Variants in TET2 observed in about 807,000 individuals in gnomAD.
The protein encoded by TET2 is tet methylcytosine dioxygenase 2, also known as methylcytosine dioxygenase TET2.
A neutral mutation model predicts 142.9 loss-of-function variants in TET2; 299 were observed. The ratio of observed to expected loss-of-function variants is 2.09; its 90% CI spans 1.90 to 2.30. The LOEUF is 2.30. Ranked by LOEUF, TET2 falls within the 30% of genes most tolerant of loss-of-function variation. The pLI is 0.00. For synonymous variants in TET2, 819 were observed against 849.0 expected, an observed-to-expected ratio of 0.96 and a Z score of 0.61; for missense variants, 2,418 against 2,378.0, an observed-to-expected ratio of 1.02 and a Z score of -0.35.
In TET2 at chr4:105,181,614, C is replaced by T. The variant is rs186709261; in HGVS notation, c.-192-8746C>T. ...ATGTGTAATTCTGTACAATCTCCTA[C>T]ATCTGTAACCCCTGCCCCAAATATT... On this transcript the variant is annotated intron_variant, in intron 1 of 10. Transcript: ENST00000380013. Among the ~76,000 whole-genome samples the T allele has an allele frequency of 1.2e-3, 177 of 152,324 alleles. 1 individual carries two copies. Among genetic ancestry groups the T allele is most frequent in the African/African-American group, 3.8e-3 (159 of 41,572 alleles).
rs540743614 is a variant in TET2, at chr4:105,259,921, A to G, written c.3954+152A>G. Among the ~76,000 whole-genome samples, 3 of 152,310 alleles carry G rather than the reference A, an allele frequency of 2.0e-5. No homozygotes were observed. The East Asian group carries it at 5.8e-4, about 29-fold the overall frequency. On this transcript the variant is annotated intron_variant, in intron 7 of 10. Transcript: ENST00000380013. ...ACACACTATTTTTTAAGTTGGCATAATAATCATATTATGCCAAAATAATAG... is the reference window on the plus strand; with the variant it reads ...ACACACTATTTTTTAAGTTGGCATAGTAATCATATTATGCCAAAATAATAG...
At chr4:105,148,524 G>A (rs1723147318) in intron 1 of TET2, among the ~76,000 whole-genome samples, 2 of 152,188 alleles carry the variant, frequency 1.3e-5, no homozygotes, top group Non-Finnish European at 2.9e-5. Context: ...GAATAAGATT[G>A]TATCTTAAGG....
intron 1 of TET2, chr4:105,171,263 G>A (rs1344457562): frequency 6.6e-6 from 1 of 152,044 alleles, no homozygotes; most frequent in African/African-American, 2.4e-5. Context: ...TCTAGTGGAT[G>A]TAGACCAATA....
At chr4:105,227,483 T>A (rs1728256066) in intron 2 of TET2, among the ~76,000 whole-genome samples, 1 of 148,896 alleles carries the variant, frequency 6.7e-6, no homozygotes, top group Non-Finnish European at 1.5e-5. Context: ...TACAGTGAAT[T>A]ACAATGTGTA....
At chr4:105,160,034 AT>A (rs1723771127) in intron 1 of TET2, among the ~76,000 whole-genome samples, 1 of 152,190 alleles carries the variant, frequency 6.6e-6, no homozygotes, top group African/African-American at 2.4e-5. Flanking sequence ...ATTTGTATGC[AT>A]CTTAAAAAGC....
Position 105,236,249 on chromosome 4 carries a change from G to T in TET2, c.2307G>T (p.Gln769His), listed in dbSNP as rs897757913. 1 of 1,614,084 alleles carries T rather than the reference G, an allele frequency of 6.2e-7. No homozygotes were observed. Among genetic ancestry groups the T allele is most frequent in the East Asian group, 2.2e-5 (1 of 44,844 alleles). ...TFPHPQSNND[Q>H]QREGSFFGQT... Reference sequence around the variant, plus strand: ...CTCACCCCCAAAGCAACAATGATCAGCAAAGAGAAGGATCATTCTTTGGCC... The same window carrying T: ...CTCACCCCCAAAGCAACAATGATCATCAAAGAGAAGGATCATTCTTTGGCC... Residue 769 changes from glutamine (Q) to histidine (H), a missense_variant, in exon 3 of 11, where the codon CAG becomes CAT. Transcript: ENST00000380013.
chr4:105,163,840 AGAGAGAGAG>A (rs1723993263), intron 1 of TET2, among the ~76,000 whole-genome samples: 1 of 117,388 alleles, frequency 8.5e-6, no homozygotes, highest in African/African-American at 3.7e-5. Context: ...AGAGAGAGAG[AGAGAGAGAG>A]AGAGAGTGTG....
At chr4:105,168,769 C>T (rs1179820060) in intron 1 of TET2, among the ~76,000 whole-genome samples, 2 of 152,064 alleles carry the variant, frequency 1.3e-5, no homozygotes, top group Non-Finnish European at 2.9e-5. Context: ...CCCTAGAGTC[C>T]ATTGTGTCAT....
At position 105,236,224 on chromosome 4, in the gene TET2, C is replaced by A; in HGVS notation, c.2282C>A (p.Pro761His). Residue 761 changes from proline to histidine, a missense_variant, in exon 3 of 11, where the codon CCT becomes CAT. Physicochemically the swap from Pro to His is moderately conservative, Grantham distance 77. Transcript: ENST00000380013. ...AAAGAGGAAATACTCCAGACTTTTC[C>A]TCACCCCCAAAGCAACAATGATCAG... is the stretch of plus-strand genomic sequence containing the variant. Reference protein sequence around the residue: ...KNKEEILQTFPHPQSNNDQQR... With the variant: ...KNKEEILQTFHHPQSNNDQQR... The A allele has an allele frequency of 6.2e-7, 1 of 1,614,046 alleles. No individual in the cohort carries two copies. The highest frequency in any genetic ancestry group is 1.7e-5 in the Admixed American group (1 of 60,008).
At chr4:105,201,908 A>C (rs1229729448) in intron 2 of TET2, among the ~76,000 whole-genome samples, 1 of 151,296 alleles carries the variant, frequency 6.6e-6, no homozygotes, top group African/African-American at 2.4e-5. Flanking sequence ...CCCCTGGCTA[A>C]TTTTTTGTAT....
In TET2 at chr4:105,146,959, A is replaced by T. The variant is rs923934918; in HGVS notation, c.-213A>T. On this transcript the variant is annotated 5_prime_UTR_variant, in exon 1 of 11. In the 5' UTR this introduces an upstream ATG that the reference lacks. Coordinates refer to ENST00000380013, the MANE Select transcript of TET2 (RefSeq NM_001127208.3). ...CGACTGCAACTGCTGGATTGCTGCA[A>T]GGCTGAGGGACGAGAACGAGGTCAG... 6 of 152,332 alleles carry T rather than the reference A, an allele frequency of 3.9e-5. No individual in the cohort carries two copies. Among genetic ancestry groups the T allele is most frequent in the African/African-American group, 9.6e-5 (4 of 41,476 alleles). The allele number at this position is 152,332 out of a possible 1,614,324, so 9.4% of individuals were successfully genotyped here.
At position 105,269,634 on chromosome 4, in the gene TET2, GA is replaced by G; in HGVS notation, c.4070del (p.Glu1357GlyfsTer6). On this transcript the variant is annotated frameshift_variant, in exon 9 of 11. Coordinates refer to ENST00000380013, the MANE Select transcript of TET2 (RefSeq NM_001127208.3). LOFTEE classifies it high-confidence loss of function. ...NQIEYEHRAPECRLGLKEGRP... is the reference protein window; with the variant it reads ...NQIEYEHRAPXCRLGLKEGRP... ...GATTGAATATGAACACAGAGCACCA[GA>G]GTGCCGTCTGGGTCTGAAGGAAGGC... 1 of 1,551,634 alleles carries G rather than the reference GA, an allele frequency of 6.4e-7. No individual in the cohort carries two copies.
At chr4:105,160,233 A>G (rs1723781482) in intron 1 of TET2, among the ~76,000 whole-genome samples, 1 of 152,132 alleles carries the variant, frequency 6.6e-6, no homozygotes, top group South Asian at 2.1e-4. Flanking sequence ...AAACAACAAC[A>G]ACAAAGCTTT....
rs929746377 is a variant in TET2 at position 105,237,514 on chromosome 4, C to T, written c.3409+163C>T. ...TACATTTTTTGTCAAGTTACCGATG[C>T]TTGTGTCTTGTGAAAGAGAACTTCA... On this transcript the variant is annotated intron_variant, in intron 3 of 10. Transcript: ENST00000380013. The T allele has an allele frequency of 4.4e-6, 7 of 1,586,468 alleles. No individual in the cohort carries two copies. The African/African-American group carries it at 9.6e-5, about 22-fold the overall frequency.
At chr4:105,242,011 T>C in intron 4 of TET2, 1 of 1,242,302 alleles carries the variant, frequency 8.0e-7, no homozygotes, top group Non-Finnish European at 1.0e-6. Context: ...AGAAGACTCT[T>C]ATGAGCGAGA....
At chr4:105,264,167 T>A (rs1158276620) in intron 8 of TET2, among the ~76,000 whole-genome samples, 4 of 152,074 alleles carry the variant, frequency 2.6e-5, no homozygotes, top group Non-Finnish European at 4.4e-5. Flanking sequence ...GTAAGTTATT[T>A]TATGTCAAAT....
chr4:105,255,513 G>GT (rs370046977), intron 6 of TET2, among the ~76,000 whole-genome samples: 3 of 152,020 alleles, frequency 2.0e-5, no homozygotes, highest in Non-Finnish European at 4.4e-5. Context: ...GGTTTATAGT[G>GT]TTTTTTACAA....
rs984550187 is a variant in TET2, at chr4:105,237,269, C to T, written c.3327C>T (p.Ser1109=). The part of the protein sequence containing the change: ...SVLNNFIESP[S]KLLDTPIKNL... ...TCAATAATTTTATAGAGTCACCTTC[C>T]AAATTACTAGATACTCCTATAAAAA... Residue 1109 remains serine (S), a synonymous_variant, in exon 3 of 11, where the codon TCC becomes TCT. Coordinates refer to ENST00000380013, the MANE Select transcript of TET2 (RefSeq NM_001127208.3). 13 of 1,613,966 alleles carry T rather than the reference C, an allele frequency of 8.1e-6. No individual in the cohort carries two copies. The highest frequency in any genetic ancestry group is 1.1e-5 in the Non-Finnish European group (13 of 1,179,976).
At chr4:105,206,006 A>G (rs535748697) in intron 2 of TET2, among the ~76,000 whole-genome samples, 9 of 152,248 alleles carry the variant, frequency 5.9e-5, no homozygotes, top group African/African-American at 2.2e-4. Context: ...ATACTGCTTA[A>G]AAGATCAGGT....
Sources: allele counts gnomAD v4.1 joint callset (sites outside exome capture counted in the v4.1 genomes callset), GRCh38; gene constraint gnomAD v4.1.1; transcripts MANE v1.5; gene names NCBI Gene and HGNC (gene_info 2026-07-23, HGNC 2026-07-21).